Variants in MFAP3L observed in about 807,000 individuals in gnomAD.
MFAP3L encodes microfibril associated protein 3 like, also known as microfibrillar-associated protein 3-like.
A neutral mutation model predicts 20.0 loss-of-function variants in MFAP3L; 5 were observed. That is an observed-to-expected ratio of 0.25 (90% confidence interval 0.13 to 0.53). The LOEUF is 0.53. Ranked by LOEUF, MFAP3L falls within the 20% of genes least tolerant of loss-of-function variation. The pLI, the probability that MFAP3L is intolerant of heterozygous loss-of-function variation, is 0.96. For synonymous variants in MFAP3L, 219 were observed against 213.0 expected (o/e 1.03, Z -0.25); for missense variants, 409 against 527.5 (o/e 0.78, Z 2.20).
At chr4:170,011,777 T>G (rs1428327181) in intron 1 of MFAP3L, among the ~76,000 whole-genome samples, 1 of 151,978 alleles carries the variant, frequency 6.6e-6, no homozygotes, top group Non-Finnish European at 1.5e-5. Flanking sequence ...GTGTCAAAGA[T>G]CCACTGGGGC....
At chr4:169,999,295 G>A (rs1231880502) in intron 2 of MFAP3L, among the ~76,000 whole-genome samples, 1 of 152,202 alleles carries the variant, frequency 6.6e-6, no homozygotes, top group Non-Finnish European at 1.5e-5. Context: ...GCTTAGCCAA[G>A]CTTTCAACTC....
chr4:170,025,206 A>G (rs1740275954), intron 1 of MFAP3L, among the ~76,000 whole-genome samples: 1 of 152,200 alleles, frequency 6.6e-6, no homozygotes, highest in South Asian at 2.1e-4. Context: ...TTACGGTCTC[A>G]TGAAACGACA....
chr4:170,009,213 T>C (rs563201015), intron 1 of MFAP3L, among the ~76,000 whole-genome samples: 2 of 151,890 alleles, frequency 1.3e-5, no homozygotes, highest in East Asian at 3.9e-4. Flanking sequence ...TGAAACCCCA[T>C]CTCTACTAAA....
chr4:170,019,568 A>G (rs1188213739), intron 1 of MFAP3L, among the ~76,000 whole-genome samples: 3 of 152,160 alleles, frequency 2.0e-5, no homozygotes, highest in Non-Finnish European at 4.4e-5. Flanking sequence ...TGAAAGGTAG[A>G]GACTCGAGAA....
chr4:170,002,928 T>C (rs1209923660), intron 2 of MFAP3L, among the ~76,000 whole-genome samples: 3 of 152,018 alleles, frequency 2.0e-5, no homozygotes, highest in Admixed American at 6.5e-5. Context: ...GAAATCTATG[T>C]CCATATTATA....
Position 170,002,937 on chromosome 4 carries a change from T to C in MFAP3L, c.298+2643A>G, listed in dbSNP as rs114813018. Among the ~76,000 whole-genome samples, 1,123 of 152,232 alleles carry C rather than the reference T, an allele frequency of 7.4e-3. 16 individuals are homozygous for C. The highest frequency in any genetic ancestry group is 0.026 in the African/African-American group (1,070 of 41,542). ...AAAATGGAAATCTATGTCCATATTATAATATGGACATTTCCCCCTTCAAAA... is the reference window on the plus strand; with the variant it reads ...AAAATGGAAATCTATGTCCATATTACAATATGGACATTTCCCCCTTCAAAA... On this transcript the variant is annotated intron_variant, in intron 2 of 2. Coordinates refer to ENST00000361618, the MANE Select transcript of MFAP3L (RefSeq NM_021647.8).
In MFAP3L at chr4:169,990,844, G is replaced by A. The variant is rs917043181; in HGVS notation, c.*534C>T. On this transcript the variant is annotated 3_prime_UTR_variant, in exon 3 of 3. Transcript: ENST00000361618. ...CAAAGTCTCTGAGGTACGTGTTCTA[G>A]GGAAACATAAGGACAAAAGTGGCAA... 2 of 154,616 alleles carry A rather than the reference G, an allele frequency of 1.3e-5. No individual in the cohort carries two copies. Among genetic ancestry groups the A allele is most frequent in the Admixed American group, 1.3e-4 (2 of 15,808 alleles). The allele number at this position is 154,616 out of a possible 1,614,324, so 9.6% of individuals were successfully genotyped here. A position where few individuals can be genotyped will look rare whatever the true frequency, so the allele number is the denominator to read the frequency against.
chr4:170,018,947 G>T (rs1411002001), intron 1 of MFAP3L, among the ~76,000 whole-genome samples: 8 of 152,204 alleles, frequency 5.3e-5, no homozygotes, highest in Non-Finnish European at 1.2e-4. Context: ...CTTCATAACA[G>T]CAGCTGAGAA....
At position 169,990,392 on chromosome 4, in the gene MFAP3L, G is replaced by A. The variant is rs1737574907; in HGVS notation, c.*986C>T. On this transcript the variant is annotated 3_prime_UTR_variant, in exon 3 of 3. Transcript: ENST00000361618. The stretch of plus-strand genomic sequence containing the variant: ...ATCCAACAGCATATGGTCCCTGCAA[G>A]CCTGTTTGGAAGCCAATATTCTATA... 1 of 152,530 alleles carries A rather than the reference G, an allele frequency of 6.6e-6. No individual in the cohort carries two copies. The highest frequency in any genetic ancestry group is 2.4e-5 in the African/African-American group (1 of 41,452). 9.4% of individuals were successfully genotyped at this position (152,530 alleles called of 1,614,324 possible).
At chr4:170,010,634 C>T (rs1581504180) in intron 1 of MFAP3L, among the ~76,000 whole-genome samples, 1 of 152,188 alleles carries the variant, frequency 6.6e-6, no homozygotes, top group Non-Finnish European at 1.5e-5. Context: ...TTCTTAATAA[C>T]AGTCTTTTCT....
At chr4:170,011,273 G>C (rs907822974) in intron 1 of MFAP3L, among the ~76,000 whole-genome samples, 44 of 152,118 alleles carry the variant, frequency 2.9e-4, no homozygotes, top group African/African-American at 9.4e-4. Context: ...CTAAAGTCAA[G>C]GGCCAAGAAA....
intron 1 of MFAP3L, among the ~76,000 whole-genome samples, chr4:170,017,974 A>C (rs1302431675): frequency 2.0e-5 from 3 of 152,168 alleles, no homozygotes; most frequent in Non-Finnish European, 4.4e-5. Context: ...AATAAACTGA[A>C]AGTACTTATG....
At position 170,003,753 on chromosome 4, in the gene MFAP3L, C is replaced by T. The variant is rs1016921367; in HGVS notation, c.298+1827G>A. ...GATTCAGTCACCGTGGGTTCCCTAG[C>T]GATAGCTCAGCCCTGCAGAAAGACC... is the stretch of plus-strand genomic sequence containing the variant. On this transcript the variant is annotated intron_variant, in intron 2 of 2. Transcript: ENST00000361618. 8 of 985,316 alleles carry T rather than the reference C, an allele frequency of 8.1e-6. No individual in the cohort carries two copies. The South Asian group carries it at 2.3e-4, about 29-fold the overall frequency. 61.0% of individuals were successfully genotyped at this position (985,316 alleles called of 1,614,324 possible).
At position 170,003,634 on chromosome 4, in the gene MFAP3L, A is replaced by G. The variant is rs193187529; in HGVS notation, c.298+1946T>C. ...CTTCCTCTCTAGGACTGAGGAGTTC[A>G]GTGCCCCAACCCAGCTTTTTAATAC... On this transcript the variant is annotated intron_variant, in intron 2 of 2. Transcript: ENST00000361618. 2.7e-5 allele frequency: 26 copies of G among 966,308 alleles called. No homozygotes were observed. In the East Asian group the frequency reaches 2.5e-3, roughly 94 times the overall value. 59.9% of individuals were successfully genotyped at this position (966,308 alleles called of 1,614,324 possible).
At chr4:170,013,485 T>TA (rs1739508257) in intron 1 of MFAP3L, among the ~76,000 whole-genome samples, 3 of 152,220 alleles carry the variant, frequency 2.0e-5, no homozygotes, top group African/African-American at 7.2e-5. Flanking sequence ...ACATTAGACT[T>TA]GGAAAAACTT....
chr4:170,002,270 G>A (rs897034663), intron 2 of MFAP3L: 42 of 984,780 alleles, frequency 4.3e-5, no homozygotes, highest in African/African-American at 7.0e-5. Context: ...ATGAATACCC[G>A]CTGGCCACAC....
intron 2 of MFAP3L, chr4:170,005,087 G>A (rs1055815234): frequency 6.4e-6 from 1 of 157,446 alleles, no homozygotes; most frequent in African/African-American, 2.4e-5. Flanking sequence ...CCTCAGCCTA[G>A]AAACTGCAGC....
Position 169,989,152 on chromosome 4 carries a change from T to G in MFAP3L, c.*2226A>C, listed in dbSNP as rs1737481595. ...ATTTTTATATTCTAAGAGGTGGTGT[T>G]AAAACTTTTCTGCAACCCAAAAACA... On this transcript the variant is annotated 3_prime_UTR_variant, in exon 3 of 3. Transcript: ENST00000361618. 1 of 152,198 alleles carries G rather than the reference T, an allele frequency of 6.6e-6. No homozygotes were observed. Among genetic ancestry groups the G allele is most frequent in the South Asian group, 2.1e-4 (1 of 4,822 alleles). The allele number at this position is 152,198 out of a possible 1,614,324, so 9.4% of individuals were successfully genotyped here.
chr4:170,006,963 C>A (rs949338247), intron 1 of MFAP3L: 1 of 152,218 alleles, frequency 6.6e-6, no homozygotes, highest in Non-Finnish European at 1.5e-5. Flanking sequence ...GGGAACATCA[C>A]CAGACATTAC....
Sources: allele counts gnomAD v4.1 joint callset (sites outside exome capture counted in the v4.1 genomes callset), GRCh38; gene constraint gnomAD v4.1.1; transcripts MANE v1.5; gene names NCBI Gene and HGNC (gene_info 2026-07-23, HGNC 2026-07-21).